The following LITAF variants were observed in gnomAD, a reference collection of about 807,000 sequenced individuals.
LITAF encodes lipopolysaccharide-induced tumor necrosis factor-alpha factor.
In LITAF, 9 loss-of-function variants were observed where a neutral mutation model predicts 14.5. The ratio of observed to expected loss-of-function variants is 0.62; its 90% CI spans 0.37 to 1.08. The LOEUF (loss-of-function observed/expected upper bound fraction) is 1.08, where lower values mean the gene tolerates loss of function less well. Ranked by LOEUF, LITAF falls within the 50% of genes least tolerant of loss-of-function variation. The pLI, the probability that LITAF is intolerant of heterozygous loss-of-function variation, is 0.01. For synonymous variants in LITAF, 98 were observed against 88.2 expected, an observed-to-expected ratio of 1.11 and a Z score of -0.62; for missense variants, 206 against 213.4, an observed-to-expected ratio of 0.97 and a Z score of 0.22.
Position 11,553,410 on chromosome 16 carries a change from C to T in LITAF, c.377+123G>A. On this transcript the variant is annotated intron_variant, in intron 3 of 3. Transcript: ENST00000622633. This position sits in a 1 kb window ranked among gnomAD's most constrained non-coding sequence, Gnocchi z 7.7. ...TGGGCGACAGAACCAGATTCCATCT[C>T]AAAAAAAAACAACACAAATGTCTGG... The T allele has an allele frequency of 9.2e-7, 1 of 1,083,178 alleles. No homozygotes were observed. The highest frequency in any genetic ancestry group is 1.4e-5 in the South Asian group (1 of 73,130). 67.1% of individuals were successfully genotyped at this position (1,083,178 alleles called of 1,614,324 possible).
At chr16:11,598,190 G>A (rs183229513) in intron 1 of LITAF, among the ~76,000 whole-genome samples, 2 of 151,872 alleles carry the variant, frequency 1.3e-5, no homozygotes, top group Admixed American at 1.3e-4. Context: ...GAGCCTCTGT[G>A]CCCGGCCAAA....
chr16:11,579,399 C>A (rs1443309896), intron 1 of LITAF, among the ~76,000 whole-genome samples: 2 of 151,252 alleles, frequency 1.3e-5, no homozygotes, highest in African/African-American at 4.9e-5. Flanking sequence ...TGCAGTGAGC[C>A]GAGATTGCGC....
chr16:11,635,189 G>A (rs552406501), intron 2 of LITAF, among the ~76,000 whole-genome samples: 2 of 152,308 alleles, frequency 1.3e-5, no homozygotes, highest in African/African-American at 4.8e-5. Flanking sequence ...TGGGCAGTGG[G>A]CAAAAGAATC....
chr16:11,614,787 A>G (rs1455846870), intron 3 of LITAF, among the ~76,000 whole-genome samples: 3 of 152,186 alleles, frequency 2.0e-5, no homozygotes, highest in Non-Finnish European at 4.4e-5. Flanking sequence ...AGCTGTTACA[A>G]ATATCTTCTT....
chr16:11,623,538 T>C (rs1310415545), intron 3 of LITAF, among the ~76,000 whole-genome samples: 2 of 151,678 alleles, frequency 1.3e-5, no homozygotes, highest in Non-Finnish European at 2.9e-5. Context: ...CGCATGACTG[T>C]AGTCTCAGCT....
At chr16:11,600,358 A>G (rs989899391), upstream of LITAF, among the ~76,000 whole-genome samples, 2 of 152,182 alleles carry the variant, frequency 1.3e-5, no homozygotes, top group African/African-American at 4.8e-5. The surrounding 1 kb of genome is among the most constrained non-coding windows in gnomAD (Gnocchi z 4.1). Flanking sequence ...TGCTGGGAGG[A>G]TAAAGCTTGT....
In LITAF at chr16:11,632,627, C is replaced by A. The variant is rs927332775; in HGVS notation, c.85+906G>T. ...CCTTGGCCCCATCTGGAGGAAGCCC[C>A]ACCGAGCCAGAGCCAGGGGAAGAAC... On this transcript the variant is annotated intron_variant, in intron 3 of 3. Transcript: ENST00000574848. This position sits in a 1 kb window ranked among gnomAD's most constrained non-coding sequence, Gnocchi z 4.8. 6.6e-6 allele frequency among the ~76,000 whole-genome samples: 1 copy of A among 152,210 alleles called. No individual in the cohort carries two copies. Among genetic ancestry groups the A allele is most frequent in the Admixed American group, 6.5e-5 (1 of 15,284 alleles).
intron 3 of LITAF, among the ~76,000 whole-genome samples, chr16:11,622,038 C>T (rs927729005): frequency 1.3e-5 from 2 of 152,160 alleles, no homozygotes; most frequent in Non-Finnish European, 2.9e-5. Flanking sequence ...AAACAAAACA[C>T]GTCTGCAGGC....
intron 3 of LITAF, among the ~76,000 whole-genome samples, chr16:11,616,148 C>T (rs1307779929): frequency 6.6e-6 from 1 of 152,138 alleles, no homozygotes; most frequent in Non-Finnish European, 1.5e-5. Flanking sequence ...CCCTATGCTC[C>T]TGTGCATCTG....
intron 1 of LITAF, among the ~76,000 whole-genome samples, chr16:11,566,947 A>C (rs1473688225): frequency 6.6e-6 from 1 of 152,240 alleles, no homozygotes; most frequent in African/African-American, 2.4e-5. Context: ...GTTCAGCTCA[A>C]GGTAACACGA....
intron 2 of LITAF, among the ~76,000 whole-genome samples, chr16:11,635,622 G>A (rs1043138970): frequency 6.6e-6 from 1 of 152,226 alleles, no homozygotes; most frequent in Non-Finnish European, 1.5e-5. Context: ...CTGGGCCGCA[G>A]TAGCCTCTGA....
At chr16:11,587,229 G>T, upstream of LITAF, 1 of 256,296 alleles carries the variant, frequency 3.9e-6, no homozygotes, top group Non-Finnish European at 7.8e-6. Context: ...AGCCCCACCC[G>T]TCCGCCCCCG....
intron 1 of LITAF, among the ~76,000 whole-genome samples, chr16:11,571,973 C>T (rs1597347849): frequency 6.6e-6 from 1 of 151,942 alleles, no homozygotes; most frequent in Non-Finnish European, 1.5e-5. Context: ...CCTGTAGTCC[C>T]ACCTACTCAC....
intron 2 of LITAF, among the ~76,000 whole-genome samples, chr16:11,635,356 G>C (rs1220697421): frequency 6.6e-6 from 1 of 152,186 alleles, no homozygotes; most frequent in Non-Finnish European, 1.5e-5. Context: ...CCTCCAGCCA[G>C]AGCCAACCCC....
chr16:11,594,939 A>T (rs1368036800), intron 1 of LITAF, among the ~76,000 whole-genome samples: 6 of 152,074 alleles, frequency 3.9e-5, no homozygotes, highest in Non-Finnish European at 1.5e-5. Context: ...AATAAAGGCT[A>T]TAAATAGTTG....
At chr16:11,554,787 CAAAAAAAAAAA>C (rs56346206) in intron 2 of LITAF, among the ~76,000 whole-genome samples, 1 of 64,490 alleles carries the variant, frequency 1.6e-5, no homozygotes, top group Non-Finnish European at 3.0e-5. Flanking sequence ...GACTCTACCT[CAAAAAAAAAAA>C]AAAAAAAAAA....
At chr16:11,612,371 T>C (rs2064987360) in intron 3 of LITAF, among the ~76,000 whole-genome samples, 1 of 152,184 alleles carries the variant, frequency 6.6e-6, no homozygotes, top group Non-Finnish European at 1.5e-5. Context: ...GGGGGCAGCC[T>C]GGAGGGTTGG....
rs2064948199 is a variant in LITAF, at chr16:11,605,071, T to C, written c.85+28462A>G. On this transcript the variant is annotated intron_variant, in intron 3 of 3. Transcript: ENST00000574848. The surrounding 1 kb of genome is among the most constrained non-coding windows in gnomAD (Gnocchi z 4.7). ...AGGACCACTGCTGGACGTGGGGCAC[T>C]TGAATGGGTCCCTCACCCGTGTGCA... is the stretch of plus-strand genomic sequence containing the variant. Among the ~76,000 whole-genome samples the C allele has an allele frequency of 6.6e-6, 1 of 152,158 alleles. No homozygotes were observed. The highest frequency in any genetic ancestry group is 1.5e-5 in the Non-Finnish European group (1 of 68,030).
chr16:11,635,029 A>G (rs1397117495), intron 2 of LITAF, among the ~76,000 whole-genome samples: 3 of 149,136 alleles, frequency 2.0e-5, no homozygotes, highest in Non-Finnish European at 3.0e-5. Context: ...GTGAGACTCC[A>G]TCTCAAAAAT....
Sources: allele counts gnomAD v4.1 joint callset (sites outside exome capture counted in the v4.1 genomes callset), GRCh38; gene constraint gnomAD v4.1.1; non-coding constraint Gnocchi (gnomAD v3.1); transcripts MANE v1.5; gene names NCBI Gene and HGNC (gene_info 2026-07-23, HGNC 2026-07-21).